Variants in HCN1 observed in about 807,000 individuals in gnomAD.
The protein encoded by HCN1 is hyperpolarization activated cyclic nucleotide gated potassium channel 1, also known as potassium/sodium hyperpolarization-activated cyclic nucleotide-gated channel 1.
A neutral mutation model predicts 78.9 loss-of-function variants in HCN1; 13 were observed. The observed-to-expected ratio is 0.16, with a 90% confidence interval of 0.11 to 0.26. The LOEUF is 0.26. Among genes scored for constraint, HCN1 ranks in the 10% least tolerant of loss-of-function variants. HCN1 has a pLI of 1.00. For synonymous variants in HCN1, 552 were observed against 455.5 expected (o/e 1.21, Z -2.70); for missense variants, 810 against 1,154.3 (o/e 0.70, Z 4.32).
intron 4 of HCN1, among the ~76,000 whole-genome samples, chr5:45,387,871 G>A (rs1747959109): frequency 6.6e-6 from 1 of 152,114 alleles, no homozygotes; most frequent in Non-Finnish European, 1.5e-5. Context: ...ATTAGGCACA[G>A]TAAGAGACGC....
chr5:45,480,066 T>A (rs969143771), intron 2 of HCN1: 2 of 152,622 alleles, frequency 1.3e-5, no homozygotes, highest in African/African-American at 4.8e-5. Context: ...TGTGCTGAAA[T>A]AAGCTCTTCA....
At chr5:45,364,946 G>T (rs1377288925) in intron 4 of HCN1, among the ~76,000 whole-genome samples, 3 of 151,948 alleles carry the variant, frequency 2.0e-5, no homozygotes. Context: ...TATTTCCCAT[G>T]CATTGGCTCT....
Position 45,262,095 on chromosome 5 carries a change from G to C in HCN1, c.2499C>G (p.Ser833Arg). ...PGTGLQAGGR[S>R]TVPQRVTLFR... is the part of the protein sequence containing the mutation. ...AGAGGGTGACGCGCTGCGGGACAGT[G>C]CTCCTGCCCCCTGCCTGAAGGCCCG... The change falls in exon 8 of 8, where the codon AGC becomes AGG. Residue 833 changes from serine (S) to arginine (R), a missense_variant. Ser to Arg is a moderately radical substitution (Grantham distance 110). Coordinates refer to ENST00000303230, the MANE Select transcript of HCN1 (RefSeq NM_021072.4). 2 of 1,612,858 alleles carry C rather than the reference G, an allele frequency of 1.2e-6. No individual in the cohort carries two copies. Among genetic ancestry groups the C allele is most frequent in the Non-Finnish European group, 1.7e-6 (2 of 1,179,216 alleles).
chr5:45,658,656 C>T (rs1745843917), intron 1 of HCN1, among the ~76,000 whole-genome samples: 1 of 151,204 alleles, frequency 6.6e-6, no homozygotes, highest in Non-Finnish European at 1.5e-5. Flanking sequence ...CGCAAGGGGT[C>T]AGGGAGTTCC....
At chr5:45,366,307 T>C (rs1398383181) in intron 4 of HCN1, among the ~76,000 whole-genome samples, 1 of 151,816 alleles carries the variant, frequency 6.6e-6, no homozygotes, top group Non-Finnish European at 1.5e-5. Context: ...ATTCACTATC[T>C]GCAATAAACA....
intron 5 of HCN1, among the ~76,000 whole-genome samples, chr5:45,329,517 C>A (rs1009158037): frequency 6.6e-6 from 1 of 151,362 alleles, no homozygotes; most frequent in Non-Finnish European, 1.5e-5. Flanking sequence ...GCTCCACTCC[C>A]CTTTCTGTCT....
chr5:45,270,323 A>G (rs985956626), intron 6 of HCN1, among the ~76,000 whole-genome samples: 4 of 152,232 alleles, frequency 2.6e-5, no homozygotes, highest in Non-Finnish European at 5.9e-5. Flanking sequence ...GGCCAGCCTT[A>G]GCTGCAAGAA....
chr5:45,658,660 G>T (rs1176454156), intron 1 of HCN1, among the ~76,000 whole-genome samples: 1 of 151,600 alleles, frequency 6.6e-6, no homozygotes, highest in Non-Finnish European at 1.5e-5. Context: ...AGGGGTCAGG[G>T]AGTTCCCTTT....
At chr5:45,325,301 A>G (rs1746214325) in intron 5 of HCN1, among the ~76,000 whole-genome samples, 1 of 151,788 alleles carries the variant, frequency 6.6e-6, no homozygotes, top group Non-Finnish European at 1.5e-5. Flanking sequence ...TCTGTCATTA[A>G]TAAAACACTC....
chr5:45,326,772 C>T (rs1746241053), intron 5 of HCN1, among the ~76,000 whole-genome samples: 2 of 151,462 alleles, frequency 1.3e-5, no homozygotes, highest in Non-Finnish European at 3.0e-5. Flanking sequence ...TTTAATTTGG[C>T]CCTGAGGTAT....
At chr5:45,557,079 A>G (rs1397040068) in intron 2 of HCN1, among the ~76,000 whole-genome samples, 1 of 152,106 alleles carries the variant, frequency 6.6e-6, no homozygotes, top group Non-Finnish European at 1.5e-5. Context: ...CAACCTTCAA[A>G]TATCACAGGA....
chr5:45,645,132 C>T, intron 2 of HCN1, 53 bp downstream of exon 2: 1 of 1,336,106 alleles, frequency 7.5e-7, no homozygotes, highest in Non-Finnish European at 1.1e-6. Context: ...GTAAAACAGC[C>T]ATAATTAACA....
rs1744594954 is a variant in HCN1 at position 45,255,691 on chromosome 5, T to A, written c.*6230A>T. The A allele has an allele frequency of 6.6e-6, 1 of 152,238 alleles. No homozygotes were observed. Among genetic ancestry groups the A allele is most frequent in the Non-Finnish European group, 1.5e-5 (1 of 68,046 alleles). 9.4% of individuals were successfully genotyped at this position (152,238 alleles called of 1,614,324 possible). ...AACAAATATGAGAAAGAAATGAGAA[T>A]ACATTTGGAAAACTCTTTTTGAATC... On this transcript the variant is annotated 3_prime_UTR_variant, in exon 8 of 8. Transcript: ENST00000303230.
At chr5:45,655,230 A>G (rs1745743210) in intron 1 of HCN1, among the ~76,000 whole-genome samples, 2 of 152,124 alleles carry the variant, frequency 1.3e-5, no homozygotes, top group South Asian at 4.1e-4. Context: ...TAAAGTATTA[A>G]ATGTTAAATA....
chr5:45,563,613 C>T (rs1443773382), intron 2 of HCN1, among the ~76,000 whole-genome samples: 1 of 152,016 alleles, frequency 6.6e-6, no homozygotes, highest in East Asian at 1.9e-4. Flanking sequence ...TAAGTATTCT[C>T]ATATCAGGAA....
At chr5:45,434,125 C>T (rs1478223722) in intron 3 of HCN1, among the ~76,000 whole-genome samples, 2 of 152,202 alleles carry the variant, frequency 1.3e-5, no homozygotes, top group Admixed American at 6.5e-5. Flanking sequence ...CACTTCTCCT[C>T]TAGGGAGAGT....
chr5:45,255,878 T>G lies in HCN1; in HGVS notation c.*6043A>C, dbSNP rs181019174. On this transcript the variant is annotated 3_prime_UTR_variant, in exon 8 of 8. Transcript: ENST00000303230. Reference sequence around the variant, plus strand: ...TCTGTAGAAAACGATGCAACCTGTTTTTTTGCAAAATTCCGTTATTTAAAA... The same window carrying G: ...TCTGTAGAAAACGATGCAACCTGTTGTTTTGCAAAATTCCGTTATTTAAAA... 1 of 152,260 alleles carries G rather than the reference T, an allele frequency of 6.6e-6. No homozygotes were observed. Among genetic ancestry groups the G allele is most frequent in the Non-Finnish European group, 1.5e-5 (1 of 68,032 alleles). 9.4% of individuals were successfully genotyped at this position (152,260 alleles called of 1,614,324 possible). A position where few individuals can be genotyped will look rare whatever the true frequency, so the allele number is the denominator to read the frequency against.
At chr5:45,286,251 T>A (rs1745268623) in intron 6 of HCN1, among the ~76,000 whole-genome samples, 1 of 151,964 alleles carries the variant, frequency 6.6e-6, no homozygotes, top group Non-Finnish European at 1.5e-5. Flanking sequence ...GCAAACATTA[T>A]ATCCTTTCTG....
chr5:45,330,637 A>G (rs561225183), intron 5 of HCN1, among the ~76,000 whole-genome samples: 1 of 151,052 alleles, frequency 6.6e-6, no homozygotes, highest in East Asian at 2.0e-4. Flanking sequence ...TAGACAAACA[A>G]TAATGTATCA....
Sources: allele counts gnomAD v4.1 joint callset (sites outside exome capture counted in the v4.1 genomes callset), GRCh38; gene constraint gnomAD v4.1.1; transcripts MANE v1.5; gene names NCBI Gene and HGNC (gene_info 2026-07-23, HGNC 2026-07-21).